ADGRL2: variants seen among roughly 807,000 people sequenced by gnomAD.
The protein encoded by ADGRL2 is adhesion G protein-coupled receptor L2.
A neutral mutation model predicts 157.4 loss-of-function variants in ADGRL2; 44 were observed. The ratio of observed to expected loss-of-function variants is 0.28; its 90% CI spans 0.22 to 0.36. The LOEUF is 0.36. ADGRL2 is among the 10% of genes least tolerant of loss of function. ADGRL2 has a pLI of 1.00. For synonymous variants in ADGRL2, 585 were observed against 624.7 expected, an observed-to-expected ratio of 0.94 and a Z score of 0.95; for missense variants, 1,510 against 1,768.9, an observed-to-expected ratio of 0.85 and a Z score of 2.63.
chr1:81,681,392 T>C (rs550024734), intron 3 of ADGRL2, among the ~76,000 whole-genome samples: 80 of 152,264 alleles, frequency 5.3e-4, no homozygotes, highest in African/African-American at 1.9e-3. Context: ...TGAAAGCCAG[T>C]GCCAAAGAAG....
intron 1 of ADGRL2, among the ~76,000 whole-genome samples, chr1:81,831,609 A>C (rs1386958920): frequency 1.3e-5 from 2 of 152,022 alleles, no homozygotes; most frequent in East Asian, 3.9e-4. Context: ...TGCTTTTAAG[A>C]TAAAATGGAT....
intron 2 of ADGRL2, among the ~76,000 whole-genome samples, chr1:81,482,984 A>T (rs1302780186): frequency 1.3e-5 from 2 of 152,072 alleles, no homozygotes; most frequent in East Asian, 3.8e-4. Context: ...CTATTTATGT[A>T]TGAATATACT....
chr1:81,957,694 G>T (rs1653995022), intron 11 of ADGRL2, among the ~76,000 whole-genome samples: 1 of 152,028 alleles, frequency 6.6e-6, no homozygotes, highest in Non-Finnish European at 1.5e-5. Flanking sequence ...GGATGATAGA[G>T]TGAGACCCCA....
chr1:81,552,620 A>C (rs1034855948), intron 2 of ADGRL2, among the ~76,000 whole-genome samples: 3 of 151,348 alleles, frequency 2.0e-5, no homozygotes, highest in Non-Finnish European at 2.9e-5. Context: ...AAAAAAAAAA[A>C]AAAACAGAAA....
At chr1:81,543,859 T>G (rs2079949219) in intron 2 of ADGRL2, among the ~76,000 whole-genome samples, 1 of 152,246 alleles carries the variant, frequency 6.6e-6, no homozygotes, top group African/African-American at 2.4e-5. Flanking sequence ...TTTTGCCTGC[T>G]CAGCTTCAAC....
intron 2 of ADGRL2, among the ~76,000 whole-genome samples, chr1:81,853,878 A>G (rs946664162): frequency 1.7e-4 from 26 of 152,166 alleles, no homozygotes; most frequent in African/African-American, 6.3e-4. Flanking sequence ...ATACTGCTCA[A>G]ATTAAAGCAG....
chr1:81,829,320 ATTAAG>A (rs2091766262), intron 1 of ADGRL2, among the ~76,000 whole-genome samples: 1 of 152,164 alleles, frequency 6.6e-6, no homozygotes, highest in Non-Finnish European at 1.5e-5. Context: ...AGTACTATTA[ATTAAG>A]TTAATTATTT....
chr1:81,593,258 C>T (rs572611959), intron 3 of ADGRL2, among the ~76,000 whole-genome samples: 2 of 152,248 alleles, frequency 1.3e-5, no homozygotes, highest in Admixed American at 6.5e-5. Flanking sequence ...TCAAAGTTCT[C>T]CTATCACCTG....
At chr1:81,814,392 T>A (rs2090177038) in intron 1 of ADGRL2, among the ~76,000 whole-genome samples, 1 of 151,398 alleles carries the variant, frequency 6.6e-6, no homozygotes, top group Non-Finnish European at 1.5e-5. Context: ...ATTAAGAGGG[T>A]AGATTTGAAA....
intron 1 of ADGRL2, among the ~76,000 whole-genome samples, chr1:81,328,512 T>A (rs2100677752): frequency 6.6e-6 from 1 of 152,264 alleles, no homozygotes; most frequent in East Asian, 1.9e-4. Context: ...GTCTCTTTTT[T>A]CTGTCTCTAC....
chr1:81,506,410 G>A (rs933220313), intron 2 of ADGRL2: 2 of 152,152 alleles, frequency 1.3e-5, no homozygotes, highest in African/African-American at 4.8e-5. Flanking sequence ...CTCAGATGGA[G>A]TTTGACAAGA....
chr1:81,390,594 T>G (rs2076526122), intron 1 of ADGRL2, among the ~76,000 whole-genome samples: 1 of 152,180 alleles, frequency 6.6e-6, no homozygotes, highest in Admixed American at 6.5e-5. Flanking sequence ...TTGTTTCAAT[T>G]TATTGCATAT....
chr1:81,431,440 G>A (rs928632443), intron 1 of ADGRL2, among the ~76,000 whole-genome samples: 2 of 152,106 alleles, frequency 1.3e-5, no homozygotes, highest in African/African-American at 4.8e-5. Flanking sequence ...CCGCTGAAGG[G>A]CCACAAACGT....
chr1:81,483,378 G>C (rs898999938), intron 2 of ADGRL2, among the ~76,000 whole-genome samples: 3 of 152,164 alleles, frequency 2.0e-5, no homozygotes, highest in Non-Finnish European at 4.4e-5. Flanking sequence ...AAGCACCTTC[G>C]TGCATTTAGC....
chr1:81,508,032 AT>A (rs1360293249), intron 2 of ADGRL2, among the ~76,000 whole-genome samples: 1 of 152,124 alleles, frequency 6.6e-6, no homozygotes, highest in Non-Finnish European at 1.5e-5. Context: ...GCTATTTAAC[AT>A]TATTCTAAGA....
At chr1:81,850,014 G>A (rs1481731319) in intron 2 of ADGRL2, among the ~76,000 whole-genome samples, 2 of 148,540 alleles carry the variant, frequency 1.3e-5, no homozygotes, top group Admixed American at 1.3e-4. Flanking sequence ...TTGTGCTATA[G>A]TCAGTGGACA....
chr1:81,441,773 C>T (rs2077511940), intron 1 of ADGRL2, among the ~76,000 whole-genome samples: 1 of 152,180 alleles, frequency 6.6e-6, no homozygotes, highest in Admixed American at 6.5e-5. Context: ...CTCCTGACCT[C>T]ATGATCCGCC....
intron 1 of ADGRL2, among the ~76,000 whole-genome samples, chr1:81,417,553 T>C (rs1314847199): frequency 6.6e-6 from 1 of 152,178 alleles, no homozygotes; most frequent in Non-Finnish European, 1.5e-5. Context: ...GTACAAGTCC[T>C]TTCAGCAATA....
At chr1:81,494,232 A>G (rs2078687975) in intron 2 of ADGRL2, among the ~76,000 whole-genome samples, 1 of 152,172 alleles carries the variant, frequency 6.6e-6, no homozygotes, top group African/African-American at 2.4e-5. Context: ...GCTTCAATCA[A>G]TCAGCAACAT....
Sources: gnomAD v4.1 joint callset for allele counts (sites outside exome capture counted in the v4.1 genomes callset) on GRCh38, gnomAD v4.1.1 for gene constraint, MANE v1.5 for transcripts, NCBI Gene and HGNC (gene_info 2026-07-23, HGNC 2026-07-21) for gene names.